The following GPSM1 variants were observed in gnomAD, a reference collection of about 807,000 sequenced individuals.
GPSM1 encodes the protein G protein-signaling modulator 1.
GPSM1 carries 48 observed loss-of-function variants against 70.5 expected under a neutral mutation model. The observed-to-expected ratio is 0.68, with a 90% CI of 0.54 to 0.87. GPSM1 has a LOEUF of 0.87. GPSM1 is among the 40% of genes least tolerant of loss of function. GPSM1 has a pLI of 0.00. For synonymous variants in GPSM1, 416 were observed against 430.1 expected, an observed-to-expected ratio of 0.97 and a Z score of 0.41; for missense variants, 981 against 972.6, an observed-to-expected ratio of 1.01 and a Z score of -0.11.
chr9:136,354,833 C>G, intron 11 of GPSM1: 2 of 997,938 alleles, frequency 2.0e-6, no homozygotes, highest in Non-Finnish European at 2.4e-6. Flanking sequence ...ACACAGGGAG[C>G]TCATGGCAGG....
intron 9 of GPSM1, among the ~76,000 whole-genome samples, chr9:136,346,309 G>A (rs1554771244): frequency 6.6e-6 from 1 of 152,198 alleles, no homozygotes; most frequent in Non-Finnish European, 1.5e-5. Context: ...CCAGCGGGCT[G>A]GAGGCGGAAG....
In GPSM1 at chr9:136,327,624, G is replaced by A. The variant is rs1417300750; in HGVS notation, c.-72G>A. Reference sequence around the variant, plus strand: ...AGCAGGGCGGACAGCAGGGAGGACAGCAGGGCGGGCAGGGGGCGGACGGCC... The same window carrying A: ...AGCAGGGCGGACAGCAGGGAGGACAACAGGGCGGGCAGGGGGCGGACGGCC... On this transcript the variant is annotated 5_prime_UTR_variant, in exon 1 of 14. Transcript: ENST00000440944. The A allele has an allele frequency of 2.8e-5, 9 of 318,558 alleles. No homozygotes were observed. The highest frequency in any genetic ancestry group is 3.8e-5 in the Non-Finnish European group (8 of 209,022). 19.7% of individuals were successfully genotyped at this position (318,558 alleles called of 1,614,324 possible).
intron 9 of GPSM1, among the ~76,000 whole-genome samples, chr9:136,347,762 G>C (rs1554771493): frequency 6.6e-6 from 1 of 152,176 alleles, no homozygotes; most frequent in African/African-American, 2.4e-5. Context: ...TTTCTGATCT[G>C]CCAGGTCTGT....
intron 4 of GPSM1, 152 bp downstream of exon 4, chr9:136,337,224 G>A: frequency 9.5e-7 from 1 of 1,050,764 alleles, no homozygotes; most frequent in South Asian, 1.7e-5. Context: ...TTTCTCAGCT[G>A]CTGGCTCCCT....
intron 10 of GPSM1, 40 bp downstream of exon 10, chr9:136,348,807 GC>G: frequency 6.7e-7 from 1 of 1,482,892 alleles, no homozygotes; most frequent in Non-Finnish European, 9.4e-7. Context: ...CACAGCCGCT[GC>G]CAGAGCATGG....
intron 9 of GPSM1, among the ~76,000 whole-genome samples, chr9:136,346,485 T>A (rs928746375): frequency 6.6e-6 from 1 of 152,234 alleles, no homozygotes; most frequent in Non-Finnish European, 1.5e-5. Context: ...GGTAGCACCT[T>A]GCTGTCCACC....
chr9:136,358,845 G>A lies in GPSM1; in HGVS notation c.*625G>A, dbSNP rs1418979232. The A allele has an allele frequency of 6.5e-6, 1 of 154,252 alleles. No homozygotes were observed. The highest frequency in any genetic ancestry group is 1.4e-5 in the Non-Finnish European group (1 of 69,624). 9.6% of individuals were successfully genotyped at this position (154,252 alleles called of 1,614,324 possible). ...CCCGCCGAGTCCCAGGGCCCTGCAGGGGCCTCGACAGGAGCCGGGCCTATC... is the reference window on the plus strand; with the variant it reads ...CCCGCCGAGTCCCAGGGCCCTGCAGAGGCCTCGACAGGAGCCGGGCCTATC... On this transcript the variant is annotated 3_prime_UTR_variant, in exon 14 of 14. Transcript: ENST00000440944.
rs1832253594 is a variant in GPSM1, at chr9:136,336,941, C to T, written c.447C>T (p.Leu149=). Residue 149 remains leucine, a synonymous_variant, in exon 4 of 14, where the codon CTC becomes CTT. Transcript: ENST00000440944. ...CACAGGTTGGGGAGGCGAGGGCCCTCTACAACATCGGGAACGTGTACCACG... is the reference window on the plus strand; with the variant it reads ...CACAGGTTGGGGAGGCGAGGGCCCTTTACAACATCGGGAACGTGTACCACG... ...QGDKVGEARA[L]YNIGNVYHAK... 6.4e-7 allele frequency: 1 copy of T among 1,557,112 alleles called. No individual in the cohort carries two copies. The highest frequency in any genetic ancestry group is 8.7e-7 in the Non-Finnish European group (1 of 1,151,114).
chr9:136,355,671 G>GC lies in GPSM1; in HGVS notation c.1456-19_1456-18insC. On this transcript the variant is annotated intron_variant, in intron 11 of 13. Transcript: ENST00000440944. ...CTGCGGGGCTAGCTTTGGCTGCGGTGACCCCACTCCCTCCCCAGAGCATCC... is the reference window on the plus strand; with the variant it reads ...CTGCGGGGCTAGCTTTGGCTGCGGTGCACCCCACTCCCTCCCCAGAGCATCC... 1.2e-6 allele frequency: 2 copies of GC among 1,608,732 alleles called. No individual in the cohort carries two copies. The highest frequency in any genetic ancestry group is 1.7e-6 in the Non-Finnish European group (2 of 1,177,412).
intron 9 of GPSM1, among the ~76,000 whole-genome samples, chr9:136,347,778 C>T (rs1832558912): frequency 6.6e-6 from 1 of 152,220 alleles, no homozygotes; most frequent in African/African-American, 2.4e-5. Flanking sequence ...TCTGTCGTGC[C>T]CTGGATACAG....
At position 136,342,707 on chromosome 9, in the gene GPSM1, C is replaced by T. The variant is rs1323692012; in HGVS notation, c.1207+1714C>T. Among the ~76,000 whole-genome samples, 1 of 152,110 alleles carries T rather than the reference C, an allele frequency of 6.6e-6. No individual in the cohort carries two copies. The highest frequency in any genetic ancestry group is 2.4e-5 in the African/African-American group (1 of 41,410). Reference sequence around the variant, plus strand: ...GTTGGGGGCGCCACGGAAGGACCCACGCAGCCTCCCCATTCGGCAGGTGCG... The same window carrying T: ...GTTGGGGGCGCCACGGAAGGACCCATGCAGCCTCCCCATTCGGCAGGTGCG... On this transcript the variant is annotated intron_variant, in intron 9 of 13. Transcript: ENST00000440944. The surrounding 1 kb of genome is among the most constrained non-coding windows in gnomAD (Gnocchi z 5.5).
intron 13 of GPSM1, among the ~76,000 whole-genome samples, chr9:136,356,804 G>GTGCCACCCCC (rs1258502229): frequency 2.0e-5 from 3 of 152,194 alleles, no homozygotes; most frequent in African/African-American, 7.2e-5. Context: ...CTCCCAGGCT[G>GTGCCACCCCC]TGCCACCCCC....
chr9:136,356,421 C>G lies in GPSM1; in HGVS notation c.1692C>G (p.Asp564Glu), dbSNP rs377665126. 1 of 1,610,446 alleles carries G rather than the reference C, an allele frequency of 6.2e-7. No individual in the cohort carries two copies. Among genetic ancestry groups the G allele is most frequent in the Non-Finnish European group, 8.5e-7 (1 of 1,178,598 alleles). Residue 564 changes from aspartate to glutamate, a missense_variant, in exon 13 of 14, where the codon GAC (aspartate) becomes GAG (glutamate). Physicochemically the swap from Asp to Glu is conservative, Grantham distance 45 (BLOSUM62 2). Transcript: ENST00000440944. ...LIASSQSRRLDDQRASVGSLP... is the reference protein window; with the variant it reads ...LIASSQSRRLEDQRASVGSLP... ...CCAGCTCCCAGAGCCGCCGGCTGGA[C>G]GACCAGCGGGCCAGCGTGGGCAGCC...
chr9:136,329,839 GCCCTGGGTGCTGGGTCGGTGGGGACGGGC>G lies in GPSM1; in HGVS notation c.68+2105_68+2133del, dbSNP rs1564339036. On this transcript the variant is annotated intron_variant, in intron 1 of 13. Coordinates refer to ENST00000440944, the MANE Select transcript of GPSM1 (RefSeq NM_001145638.3). ...TGGGTTCTGGGTCGGTGGGGACGGGGCCCTGGGTGCTGGGTCGGTGGGGACGGGCCCCTGGGTGCTGGGTCGGTGGGGAC... is the reference window on the plus strand; with the variant it reads ...TGGGTTCTGGGTCGGTGGGGACGGGGCCCTGGGTGCTGGGTCGGTGGGGAC... Among the ~76,000 whole-genome samples, 61 of 145,750 alleles carry G rather than the reference GCCCTGGGTGCTGGGTCGGTGGGGACGGGC, an allele frequency of 4.2e-4. 1 individual carries two copies. In the East Asian group the frequency reaches 0.01, roughly 24 times the overall value.
At chr9:136,338,403 C>A in intron 6 of GPSM1, 152 bp from the exon 7 acceptor site, 2 of 737,812 alleles carry the variant, frequency 2.7e-6, no homozygotes, top group Non-Finnish European at 4.3e-6. Context: ...CGCTCTGTGG[C>A]CATGTGAGGG....
chr9:136,348,766 G>A lies in GPSM1; in HGVS notation c.1277G>A (p.Arg426Gln), dbSNP rs201744049. The A allele has an allele frequency of 1.5e-4, 237 of 1,608,356 alleles. No individual in the cohort carries two copies. In the East Asian group the frequency reaches 2.7e-3, roughly 18 times the overall value. ...TWDLLRLPLEREQNGDSHHSG... is the reference protein window; with the variant it reads ...TWDLLRLPLEQEQNGDSHHSG... ...GACCTGCTGAGACTCCCCCTGGAGC[G>A]GGTGAGCCAGGGACACGGGACCGAT... is the stretch of plus-strand genomic sequence containing the variant. Residue 426 changes from arginine to glutamine, a missense_variant and splice_region_variant, in exon 10 of 14, where the codon CGG (arginine) becomes CAG (glutamine). By Grantham distance (43) the Arg-to-Gln change is conservative. Coordinates refer to ENST00000440944, the MANE Select transcript of GPSM1 (RefSeq NM_001145638.3).
intron 1 of GPSM1, among the ~76,000 whole-genome samples, chr9:136,331,750 G>T (rs1470904644): frequency 6.6e-6 from 1 of 152,216 alleles, no homozygotes; most frequent in Non-Finnish European, 1.5e-5. Context: ...ACGTTGGACG[G>T]GATTACCCCA....
intron 13 of GPSM1, among the ~76,000 whole-genome samples, chr9:136,356,858 C>T (rs1447555456): frequency 6.6e-6 from 1 of 152,194 alleles, no homozygotes; most frequent in East Asian, 1.9e-4. Context: ...GGTCACAGGT[C>T]CTGGAGCTCA....
chr9:136,358,443 C>T lies in GPSM1; in HGVS notation c.*223C>T, dbSNP rs559677498. On this transcript the variant is annotated 3_prime_UTR_variant, in exon 14 of 14. Coordinates refer to ENST00000440944, the MANE Select transcript of GPSM1 (RefSeq NM_001145638.3). ...ATGGCCCTCAGCTTCCTCCCTTCTG[C>T]CCCTGCCGCAGGCCGGACGGGGCCT... 41 of 568,292 alleles carry T rather than the reference C, an allele frequency of 7.2e-5. No individual in the cohort carries two copies. Among genetic ancestry groups the T allele is most frequent in the African/African-American group, 5.8e-4 (29 of 50,270 alleles). 35.2% of individuals were successfully genotyped at this position (568,292 alleles called of 1,614,324 possible).
Sources: allele counts gnomAD v4.1 joint callset (sites outside exome capture counted in the v4.1 genomes callset), GRCh38; gene constraint gnomAD v4.1.1; non-coding constraint Gnocchi (gnomAD v3.1); transcripts MANE v1.5; gene names NCBI Gene and HGNC (gene_info 2026-07-23, HGNC 2026-07-21).